ZNRF2: variants seen among roughly 807,000 people sequenced by gnomAD.
The protein encoded by ZNRF2 is E3 ubiquitin-protein ligase ZNRF2.
In ZNRF2, 16 loss-of-function variants were observed where a neutral mutation model predicts 20.4. The ratio of observed to expected loss-of-function variants is 0.79; its 90% confidence interval spans 0.53 to 1.19. The LOEUF is 1.19. Ranked by LOEUF, ZNRF2 falls within the 50% of genes most tolerant of loss-of-function variation. The probability of loss-of-function intolerance (pLI) is 0.00; values close to 1 mark genes in which losing one functional copy is unlikely to be tolerated. For synonymous variants in ZNRF2, 178 were observed against 144.9 expected, an observed-to-expected ratio of 1.23 and a Z score of -1.64; for missense variants, 363 against 332.4, an observed-to-expected ratio of 1.09 and a Z score of -0.72.
At chr7:30,311,098 C>T (rs1446763226) in intron 1 of ZNRF2, among the ~76,000 whole-genome samples, 1 of 152,104 alleles carries the variant, frequency 6.6e-6, no homozygotes. Flanking sequence ...TCTACTGCTG[C>T]GGTACTCTCT....
rs1798763222 is a variant in ZNRF2, at chr7:30,285,560, C to G, written c.203C>G (p.Ala68Gly). 3 of 977,416 alleles carry G rather than the reference C, an allele frequency of 3.1e-6. No individual in the cohort carries two copies. The highest frequency in any genetic ancestry group is 2.4e-6 in the Non-Finnish European group (2 of 826,834). The allele number at this position is 977,416 out of a possible 1,614,324, so 60.5% of individuals were successfully genotyped here. A position where few individuals can be genotyped will look rare whatever the true frequency, so the allele number is the denominator to read the frequency against. ...QPSASGGAAA[A>G]AAAPAAPAAP... ...AGCGCCTCCGGCGGCGCCGCGGCGG[C>G]CGCGGCGGCCCCGGCAGCCCCGGCG... Residue 68 changes from alanine to glycine, a missense_variant, in exon 1 of 5, where the codon GCC (alanine) becomes GGC (glycine). This residue lies in a region of ZNRF2 where 302 missense variants were observed against 231.5 expected (regional missense o/e 1.30). Coordinates refer to ENST00000323037, the MANE Select transcript of ZNRF2 (RefSeq NM_147128.4).
chr7:30,341,194 A>G (rs546603898), intron 2 of ZNRF2, among the ~76,000 whole-genome samples: 2 of 152,076 alleles, frequency 1.3e-5, no homozygotes, highest in African/African-American at 2.4e-5. Context: ...TCTTGGATTC[A>G]TTGATTTTTT....
intron 1 of ZNRF2, among the ~76,000 whole-genome samples, chr7:30,309,513 T>C (rs1799258299): frequency 6.6e-6 from 1 of 152,210 alleles, no homozygotes; most frequent in Admixed American, 6.6e-5. Context: ...CTTTCACATC[T>C]GTCAACCTTT....
rs143469166 is a variant in ZNRF2 at position 30,323,010 on chromosome 7, G to A, written c.470-632G>A. On this transcript the variant is annotated intron_variant, in intron 1 of 4. Coordinates refer to ENST00000323037, the MANE Select transcript of ZNRF2 (RefSeq NM_147128.4). ...ATGTAGGAAACTAGCTAATTTTTAA[G>A]TGTCAAAAATTGACTGCAAAAACCT... 6.6e-5 allele frequency among the ~76,000 whole-genome samples: 10 copies of A among 152,280 alleles called. No individual in the cohort carries two copies. In the East Asian group the frequency reaches 1.5e-3, roughly 23 times the overall value.
intron 1 of ZNRF2, among the ~76,000 whole-genome samples, chr7:30,286,909 T>C (rs768585480): frequency 9.2e-5 from 14 of 152,350 alleles, no homozygotes; most frequent in Middle Eastern, 3.4e-3. Context: ...GTAGGAACTT[T>C]GGAGACTTAG....
chr7:30,307,331 T>G (rs1489841318), intron 1 of ZNRF2, among the ~76,000 whole-genome samples: 3 of 133,778 alleles, frequency 2.2e-5, no homozygotes, highest in African/African-American at 5.9e-5. Flanking sequence ...TTTTTGTTTT[T>G]TTTTTTTTTT....
chr7:30,363,891 A>G (rs1452329300), intron 4 of ZNRF2, among the ~76,000 whole-genome samples: 2 of 152,208 alleles, frequency 1.3e-5, no homozygotes, highest in African/African-American at 4.8e-5. Flanking sequence ...GATATAAAGC[A>G]TTGGATTGTT....
At chr7:30,296,436 G>T (rs1305951156) in intron 1 of ZNRF2, among the ~76,000 whole-genome samples, 2 of 152,190 alleles carry the variant, frequency 1.3e-5, no homozygotes, top group Non-Finnish European at 2.9e-5. Flanking sequence ...AGTGTGTGCT[G>T]CTGCTTCAGG....
At chr7:30,300,868 TTA>T (rs1304941934) in intron 1 of ZNRF2, among the ~76,000 whole-genome samples, 1 of 152,224 alleles carries the variant, frequency 6.6e-6, no homozygotes, top group Non-Finnish European at 1.5e-5. Context: ...TTCTTTCTGC[TTA>T]TATGTTTCTT....
At chr7:30,299,945 A>G (rs1006657022) in intron 1 of ZNRF2, among the ~76,000 whole-genome samples, 7 of 151,292 alleles carry the variant, frequency 4.6e-5, no homozygotes, top group Non-Finnish European at 8.9e-5. Flanking sequence ...ACACCCGGCT[A>G]ATTTTTTGTG....
intron 1 of ZNRF2, among the ~76,000 whole-genome samples, chr7:30,297,340 C>T (rs1799035804): frequency 6.6e-6 from 1 of 152,136 alleles, no homozygotes; most frequent in Non-Finnish European, 1.5e-5. Flanking sequence ...CTCTTATGTT[C>T]AGTTTCCTGG....
intron 2 of ZNRF2, among the ~76,000 whole-genome samples, chr7:30,340,791 G>C (rs1180576155): frequency 6.6e-6 from 1 of 151,978 alleles, no homozygotes; most frequent in Non-Finnish European, 1.5e-5. Flanking sequence ...TTTTTCTATT[G>C]TTTGGAATAG....
chr7:30,289,403 A>T (rs1263670452), intron 1 of ZNRF2, among the ~76,000 whole-genome samples: 2 of 152,206 alleles, frequency 1.3e-5, no homozygotes, highest in Non-Finnish European at 2.9e-5. Context: ...CTCAGTTATC[A>T]CTTCTTACCA....
chr7:30,361,638 A>G (rs1275950316), intron 3 of ZNRF2, among the ~76,000 whole-genome samples: 3 of 152,218 alleles, frequency 2.0e-5, no homozygotes, highest in East Asian at 3.8e-4. Flanking sequence ...TTCTATATCT[A>G]TGCTGTCCCC....
rs369897590 is a variant in ZNRF2 at position 30,289,881 on chromosome 7, A to G, written c.469+4055A>G. 44 of 534,398 alleles carry G rather than the reference A, an allele frequency of 8.2e-5. 1 individual carries two copies. The highest frequency in any genetic ancestry group is 6.1e-4 in the South Asian group (44 of 71,586). The allele number at this position is 534,398 out of a possible 1,614,324, so 33.1% of individuals were successfully genotyped here. On this transcript the variant is annotated intron_variant, in intron 1 of 4. Coordinates refer to ENST00000323037, the MANE Select transcript of ZNRF2 (RefSeq NM_147128.4). ...TCTTACTCCCTCAGGCACATCTCCA[A>G]CAAGTCTCTTGCTCTCCTCCAATTT...
At chr7:30,336,234 G>C (rs2127950590) in intron 2 of ZNRF2, among the ~76,000 whole-genome samples, 1 of 152,228 alleles carries the variant, frequency 6.6e-6, no homozygotes, top group South Asian at 2.1e-4. Context: ...ACTTTTAAAA[G>C]TGCTCCCCCT....
chr7:30,337,046 A>G (rs988264519), intron 2 of ZNRF2, among the ~76,000 whole-genome samples: 30 of 152,214 alleles, frequency 2.0e-4, no homozygotes, highest in East Asian at 9.6e-4. Flanking sequence ...AAGCATCCCT[A>G]CTGTGGCTGT....
chr7:30,304,895 T>C (rs985245121), intron 1 of ZNRF2, among the ~76,000 whole-genome samples: 1 of 152,160 alleles, frequency 6.6e-6, no homozygotes, highest in African/African-American at 2.4e-5. Context: ...CTGGAGTTGA[T>C]AAATTATTAG....
chr7:30,323,853 T>A, intron 2 of ZNRF2, 116 bp downstream of exon 2: 1 of 664,162 alleles, frequency 1.5e-6, no homozygotes, highest in Non-Finnish European at 2.3e-6. Flanking sequence ...CTATTTTTAC[T>A]AGTGCATTAA....
Sources: gnomAD v4.1 joint callset for allele counts (sites outside exome capture counted in the v4.1 genomes callset) on GRCh38, gnomAD v4.1.1 for gene constraint, gnomAD v4.1.1 regional missense constraint, MANE v1.5 for transcripts, NCBI Gene and HGNC (gene_info 2026-07-23, HGNC 2026-07-21) for gene names.